The following FMN1 variants were observed in gnomAD, a reference collection of about 807,000 sequenced individuals.
FMN1 encodes the protein formin 1.
FMN1 carries 110 observed loss-of-function variants against 132.4 expected under a neutral mutation model. The observed-to-expected ratio is 0.83, with a 90% CI of 0.71 to 0.97. The LOEUF is 0.97. Among genes scored for constraint, FMN1 ranks in the 50% least tolerant of loss-of-function variants. FMN1 has a pLI of 0.00. For synonymous variants in FMN1, 722 were observed against 651.7 expected, an observed-to-expected ratio of 1.11 and a Z score of -1.64; for missense variants, 1,792 against 1,705.3, an observed-to-expected ratio of 1.05 and a Z score of -0.90.
intron 10 of FMN1, among the ~76,000 whole-genome samples, chr15:32,913,948 G>A (rs775587608): frequency 6.6e-6 from 1 of 152,074 alleles, no homozygotes; most frequent in Non-Finnish European, 1.5e-5. Flanking sequence ...GCCTCTAAAG[G>A]GGCACAGCCT....
chr15:33,042,747 A>G (rs1454989), intron 6 of FMN1, among the ~76,000 whole-genome samples: 28,076 of 149,978 alleles, frequency 0.19, 2,787 homozygotes, highest in Middle Eastern at 0.24. Flanking sequence ...AGCCAGAACT[A>G]TATCATTAAA....
chr15:33,128,419 ATTCT>A (rs1210896074), intron 4 of FMN1, among the ~76,000 whole-genome samples: 7 of 152,308 alleles, frequency 4.6e-5, no homozygotes, highest in East Asian at 1.9e-4. Context: ...CAACAAAATC[ATTCT>A]TTCTACCTCC....
At chr15:33,181,869 T>A (rs1028823125) in intron 2 of FMN1, among the ~76,000 whole-genome samples, 5 of 151,880 alleles carry the variant, frequency 3.3e-5, no homozygotes, top group African/African-American at 1.2e-4. Context: ...CCACCATGCC[T>A]GGCTAATTTT....
intron 10 of FMN1, among the ~76,000 whole-genome samples, chr15:32,914,008 CCT>C (rs2060624336): frequency 6.6e-6 from 1 of 152,062 alleles, no homozygotes; most frequent in Admixed American, 6.6e-5. Flanking sequence ...CCAATTTGAC[CCT>C]GTCCAAAAAT....
At chr15:32,802,023 C>G (rs751809175) in intron 18 of FMN1, among the ~76,000 whole-genome samples, 1 of 152,188 alleles carries the variant, frequency 6.6e-6, no homozygotes, top group Non-Finnish European at 1.5e-5. Context: ...ATTTAACAAC[C>G]AGGAGAATTT....
At chr15:32,899,723 T>C in intron 14 of FMN1, 5 of 521,512 alleles carry the variant, frequency 9.6e-6, no homozygotes, top group South Asian at 9.3e-5. Context: ...GTTCAATACC[T>C]GATTGTGTAT....
intron 3 of FMN1, among the ~76,000 whole-genome samples, chr15:33,179,127 T>A (rs13379747): frequency 0.029 from 4,372 of 152,248 alleles, 205 homozygotes; most frequent in African/African-American, 0.1. Context: ...AGGAACAAAA[T>A]TGGCTTTCCA....
At chr15:33,010,625 A>C (rs1228827987) in intron 6 of FMN1, among the ~76,000 whole-genome samples, 2 of 152,186 alleles carry the variant, frequency 1.3e-5, no homozygotes, top group Non-Finnish European at 2.9e-5. Flanking sequence ...ATCTACATAG[A>C]TTATAAAGAG....
rs1369300616 is a variant in FMN1, at chr15:33,154,160, C to T, written c.755G>A (p.Ser252Asn). The change falls in exon 4 of 21, where the codon AGC (serine) becomes AAC (asparagine). Residue 252 changes from serine to asparagine, a missense_variant. Around this residue, in one of 3 missense-constraint regions of FMN1, gnomAD observed 638 missense variants for 645.2 expected, o/e 0.99. Coordinates refer to ENST00000616417, the MANE Select transcript of FMN1 (RefSeq NM_001277313.2). ...KTPDTDLGFG[S>N]FETAFKDTGL... ...AGTGTCCTTGAAAGCCGTCTCAAAGCTCCCAAAGCCAAGGTCTGTGTCTGG... is the reference window on the plus strand; with the variant it reads ...AGTGTCCTTGAAAGCCGTCTCAAAGTTCCCAAAGCCAAGGTCTGTGTCTGG... 1 of 1,536,474 alleles carries T rather than the reference C, an allele frequency of 6.5e-7. No individual in the cohort carries two copies. Among genetic ancestry groups the T allele is most frequent in the Non-Finnish European group, 8.7e-7 (1 of 1,147,002 alleles).
chr15:33,038,218 A>C (rs2036271894), intron 6 of FMN1, among the ~76,000 whole-genome samples: 1 of 152,162 alleles, frequency 6.6e-6, no homozygotes, highest in Non-Finnish European at 1.5e-5. Context: ...ACAGAGTGAG[A>C]CTCCGCCTCA....
chr15:33,039,547 CA>C (rs2036334073), intron 6 of FMN1, among the ~76,000 whole-genome samples: 1 of 152,160 alleles, frequency 6.6e-6, no homozygotes, highest in Non-Finnish European at 1.5e-5. Flanking sequence ...ATATTTTACC[CA>C]AGCACTGGAT....
chr15:32,986,025 G>C (rs145282276), intron 7 of FMN1, among the ~76,000 whole-genome samples: 71 of 152,168 alleles, frequency 4.7e-4, no homozygotes, highest in African/African-American at 1.6e-3. Context: ...GGGAAGAGGG[G>C]TCATGAAAAT....
In FMN1 at chr15:33,154,694, AAT is replaced by A. The variant is rs1595576300; in HGVS notation, c.219_220del (p.Phe75GlnfsTer11). The A allele has an allele frequency of 6.5e-7, 1 of 1,536,036 alleles. No individual in the cohort carries two copies. The highest frequency in any genetic ancestry group is 2.4e-5 in the East Asian group (1 of 40,912). On this transcript the variant is annotated frameshift_variant, in exon 4 of 21. Coordinates refer to ENST00000616417, the MANE Select transcript of FMN1 (RefSeq NM_001277313.2). LOFTEE classifies it high-confidence loss of function. ...GTCTTTCGTGGGAGTCTGCTTGAAA[AAT>A]ATGTCGCCTGGATGTTCGTCCGGCT...
At chr15:33,115,502 C>A (rs75004099) in intron 4 of FMN1, among the ~76,000 whole-genome samples, 121,966 of 146,690 alleles carry the variant, frequency 0.83, 50,687 homozygotes, top group East Asian at 0.89. Flanking sequence ...CCCCCCCCCC[C>A]CACACACACA....
rs1979168 is a variant in FMN1, at chr15:32,771,025, A to C, written c.*3285T>G. 111,539 of 150,870 alleles carry C rather than the reference A, an allele frequency of 0.74. 41,374 individuals are homozygous for C. The highest frequency in any genetic ancestry group is 0.78 in the Middle Eastern group (226 of 288). 9.3% of individuals were successfully genotyped at this position (150,870 alleles called of 1,614,324 possible). On this transcript the variant is annotated 3_prime_UTR_variant, in exon 21 of 21. Transcript: ENST00000616417. ...CTTTTTCCCCAGTAAGCTGCCACTT[A>C]TTGAGATAAAAGCCATACAGCACAC...
chr15:32,790,480 A>C (rs2057037170), intron 19 of FMN1, among the ~76,000 whole-genome samples: 1 of 152,206 alleles, frequency 6.6e-6, no homozygotes, highest in Non-Finnish European at 1.5e-5. Flanking sequence ...TTGCTCTGCC[A>C]TCTCTGTGGG....
At position 32,888,410 on chromosome 15, in the gene FMN1, A is replaced by G. The variant is rs1001416017; in HGVS notation, c.3715-118T>C. On this transcript the variant is annotated intron_variant, in intron 15 of 20. Coordinates refer to ENST00000616417, the MANE Select transcript of FMN1 (RefSeq NM_001277313.2). ...TTTATTGGATGTCTGAGTAAGAATC[A>G]TAGCAATGCTCCTCTGCTATTCCTA... 6.0e-6 allele frequency: 5 copies of G among 833,422 alleles called. No individual in the cohort carries two copies. The African/African-American group carries it at 8.5e-5, about 14-fold the overall frequency. The allele number at this position is 833,422 out of a possible 1,614,324, so 51.6% of individuals were successfully genotyped here. A position where few individuals can be genotyped will look rare whatever the true frequency, so the allele number is the denominator to read the frequency against.
At chr15:33,113,461 GATGTGA>G (rs2039792443) in intron 4 of FMN1, among the ~76,000 whole-genome samples, 1 of 151,952 alleles carries the variant, frequency 6.6e-6, no homozygotes. Flanking sequence ...ATGTAACATA[GATGTGA>G]ACATAGGGTA....
chr15:33,035,926 G>C (rs569848662), intron 6 of FMN1, among the ~76,000 whole-genome samples: 3 of 152,118 alleles, frequency 2.0e-5, no homozygotes, highest in Non-Finnish European at 4.4e-5. Context: ...GACTGTCATA[G>C]GAGGGAAGCT....
Sources: gnomAD v4.1 joint callset for allele counts (sites outside exome capture counted in the v4.1 genomes callset) on GRCh38, gnomAD v4.1.1 for gene constraint, gnomAD v4.1.1 regional missense constraint, MANE v1.5 for transcripts, NCBI Gene and HGNC (gene_info 2026-07-23, HGNC 2026-07-21) for gene names.